Variants in LRRK1 observed in about 807,000 individuals in gnomAD.
The protein encoded by LRRK1 is leucine rich repeat kinase 1.
A neutral mutation model predicts 209.1 loss-of-function variants in LRRK1; 113 were observed. The ratio of observed to expected loss-of-function variants is 0.54; its 90% confidence interval spans 0.46 to 0.63. The LOEUF (loss-of-function observed/expected upper bound fraction) is 0.63. Ranked by LOEUF, LRRK1 falls within the 30% of genes least tolerant of loss-of-function variation. LRRK1 has a pLI of 0.00. For missense variants in LRRK1, 2,284 were observed against 2,632.2 expected (o/e 0.87, Z 2.89); for synonymous variants, 1,144 against 1,099.7 (o/e 1.04, Z -0.80).
intron 20 of LRRK1, among the ~76,000 whole-genome samples, chr15:101,038,817 G>A (rs998777290): frequency 3.3e-5 from 5 of 152,140 alleles, no homozygotes; most frequent in Admixed American, 3.3e-4. Flanking sequence ...CCAGCAGCAT[G>A]GCACCCTGCG....
At chr15:101,047,337 C>G (rs1201870976) in intron 21 of LRRK1, among the ~76,000 whole-genome samples, 1 of 152,204 alleles carries the variant, frequency 6.6e-6, no homozygotes, top group Non-Finnish European at 1.5e-5. Context: ...CAGAAGGGTG[C>G]ACTGATTGAA....
At chr15:100,961,897 C>T (rs2029996267) in intron 2 of LRRK1, among the ~76,000 whole-genome samples, 1 of 152,134 alleles carries the variant, frequency 6.6e-6, no homozygotes, top group Non-Finnish European at 1.5e-5. Flanking sequence ...CGGCAGGACT[C>T]AATAAATGGC....
In LRRK1 at chr15:101,026,067, C is replaced by T; in HGVS notation, c.2335C>T (p.Leu779=). 3 of 1,614,244 alleles carry T rather than the reference C, an allele frequency of 1.9e-6. No homozygotes were observed. Among genetic ancestry groups the T allele is most frequent in the Non-Finnish European group, 2.5e-6 (3 of 1,180,022 alleles). ...GATTGCAACGCTGCGTGCCTATGTG[C>T]TGGCACTCTGCCGCTCCCCCTCCGG... ...ERIATLRAYV[L]ALCRSPSGSR... The change falls in exon 17 of 34, where the codon CTG becomes TTG. Residue 779 remains leucine, a synonymous_variant. Transcript: ENST00000388948.
At chr15:101,010,328 C>T (rs956271592) in intron 7 of LRRK1, 122 bp from the exon 8 acceptor site, 2 of 1,021,662 alleles carry the variant, frequency 2.0e-6, no homozygotes, top group African/African-American at 3.2e-5. Flanking sequence ...TCAATGCACA[C>T]TCTTTAACCT....
In LRRK1 at chr15:100,983,695, A is replaced by G. The variant is rs1313458868; in HGVS notation, c.429A>G (p.Leu143=). Residue 143 remains leucine, a synonymous_variant, in exon 4 of 34, where the codon TTA becomes TTG. Coordinates refer to ENST00000388948, the MANE Select transcript of LRRK1 (RefSeq NM_024652.6). ...TAVVQELLES[L]PGPCSPQRLL... is the part of the protein sequence containing the mutation. ...TTGTGCAGGAATTGCTTGAGTCCTT[A>G]CCAGGTAAATCACAGGGCATGAGCT... The G allele has an allele frequency of 3.1e-6, 5 of 1,608,892 alleles. No individual in the cohort carries two copies. Among genetic ancestry groups the G allele is most frequent in the Non-Finnish European group, 4.2e-6 (5 of 1,176,882 alleles).
At chr15:100,989,145 C>A in intron 5 of LRRK1, 105 bp from the exon 6 acceptor site, 1 of 1,008,568 alleles carries the variant, frequency 9.9e-7, no homozygotes, top group Non-Finnish European at 1.5e-6. Context: ...GTCCAACATG[C>A]ACAAGTACCT....
At chr15:101,066,814 G>C (rs1397172749) in intron 33 of LRRK1, 73 bp downstream of exon 33, 2 of 1,201,136 alleles carry the variant, frequency 1.7e-6, no homozygotes, top group East Asian at 4.7e-5. Context: ...GCCAGGTCCT[G>C]CACAGTGGCT....
chr15:101,066,705 T>G lies in LRRK1; in HGVS notation c.5834T>G (p.Ile1945Ser). ...TCTGGCGCCCAGCGGGGCCGAGTCA[T>G]TGCCGTCTTAAAAGCCCGAGAGCTG... ...KDSGAQRGRV[I>S]AVLKARELTP... Residue 1945 changes from isoleucine to serine, a missense_variant, in exon 33 of 34, where the codon ATT (isoleucine) becomes AGT (serine). Physicochemically the swap from Ile to Ser is moderately radical, Grantham distance 142. This residue lies in a region of LRRK1 where 643 missense variants were observed against 695.9 expected (regional missense o/e 0.92). Coordinates refer to ENST00000388948, the MANE Select transcript of LRRK1 (RefSeq NM_024652.6). The G allele has an allele frequency of 6.2e-7, 1 of 1,614,212 alleles. No individual in the cohort carries two copies. The highest frequency in any genetic ancestry group is 8.5e-7 in the Non-Finnish European group (1 of 1,180,024).
At position 101,066,658 on chromosome 15, in the gene LRRK1, C is replaced by T. The variant is rs772136882; in HGVS notation, c.5787C>T (p.Ile1929=). The T allele has an allele frequency of 9.3e-6, 15 of 1,614,080 alleles. No homozygotes were observed. Among genetic ancestry groups the T allele is most frequent in the South Asian group, 8.8e-5 (8 of 91,080 alleles). ...TGCTTAGGCGCGGTGGAGATGTTATCGTCATTGGCCTGGAGAAGGATTCTG... is the reference window on the plus strand; with the variant it reads ...TGCTTAGGCGCGGTGGAGATGTTATTGTCATTGGCCTGGAGAAGGATTCTG... ...IWVPRRGGDV[I]VIGLEKDSGA... The change falls in exon 33 of 34, where the codon ATC becomes ATT. Residue 1929 remains isoleucine, a synonymous_variant. Transcript: ENST00000388948.
At chr15:101,033,030 T>C (rs1215338108) in intron 20 of LRRK1, among the ~76,000 whole-genome samples, 1 of 152,224 alleles carries the variant, frequency 6.6e-6, no homozygotes, top group East Asian at 1.9e-4. Flanking sequence ...TAAGTTTCCC[T>C]GGTCCAAAGT....
At chr15:101,026,237 C>A (rs1390407537) in intron 17 of LRRK1, 100 bp downstream of exon 17, 3 of 1,256,384 alleles carry the variant, frequency 2.4e-6, no homozygotes, top group Non-Finnish European at 3.4e-6. Flanking sequence ...CTGGGTGGGG[C>A]TAGGCCCCTT....
rs372146339 is a variant in LRRK1 at position 100,942,063 on chromosome 15, A to G, written c.97+17334A>G. 1.7e-4 allele frequency among the ~76,000 whole-genome samples: 26 copies of G among 152,310 alleles called. 2 individuals carry two copies. Among genetic ancestry groups the G allele is most frequent in the Admixed American group, 7.8e-4 (12 of 15,306 alleles). ...AATAAGGCTTGTTGATATTTGTAAT[A>G]ATTTCTAAGGATTTGGAGCAGGAGG... On this transcript the variant is annotated intron_variant, in intron 2 of 33. Transcript: ENST00000388948.
chr15:101,020,659 C>T (rs1036127035), intron 12 of LRRK1, among the ~76,000 whole-genome samples: 2 of 152,174 alleles, frequency 1.3e-5, no homozygotes, highest in Non-Finnish European at 2.9e-5. Context: ...CAGGCGTGAG[C>T]CACCAGCCTG....
intron 2 of LRRK1, among the ~76,000 whole-genome samples, chr15:100,932,122 A>G (rs903650675): frequency 1.3e-5 from 2 of 152,126 alleles, no homozygotes; most frequent in African/African-American, 4.8e-5. Context: ...AGTAGCTGGG[A>G]TTACAGGCAC....
chr15:100,942,047 T>G (rs1003895586), intron 2 of LRRK1, among the ~76,000 whole-genome samples: 29 of 152,288 alleles, frequency 1.9e-4, no homozygotes, highest in African/African-American at 7.0e-4. Context: ...TAATAAGGCT[T>G]GTTGATATTT....
At chr15:100,934,183 G>T (rs1228086219) in intron 2 of LRRK1, among the ~76,000 whole-genome samples, 1 of 152,178 alleles carries the variant, frequency 6.6e-6, no homozygotes, top group Non-Finnish European at 1.5e-5. Context: ...TTTGCAGTCA[G>T]CTGACTTTAT....
chr15:101,040,673 G>A (rs920616506), intron 20 of LRRK1, among the ~76,000 whole-genome samples: 3 of 152,024 alleles, frequency 2.0e-5, no homozygotes, highest in Non-Finnish European at 4.4e-5. Context: ...TCTAAGCACT[G>A]CTTTATATGA....
chr15:101,028,273 GT>G (rs1429477988), intron 19 of LRRK1, among the ~76,000 whole-genome samples: 2 of 152,234 alleles, frequency 1.3e-5, no homozygotes, highest in Non-Finnish European at 2.9e-5. Flanking sequence ...GTGTTGCTGC[GT>G]AAAGATGCCA....
Position 101,015,435 on chromosome 15 carries a change from T to C in LRRK1, c.1609+33T>C, listed in dbSNP as rs369002641. On this transcript the variant is annotated intron_variant, in intron 12 of 33. Transcript: ENST00000388948. ...TGGGTTGGGAGACGGTGTTCCCAGA[T>C]GAGACAGCCGGGGTAGCCTGGTTCC... 104 of 1,553,562 alleles carry C rather than the reference T, an allele frequency of 6.7e-5. 2 individuals are homozygous for C. The East Asian group carries it at 8.2e-4, about 12-fold the overall frequency.
Sources: allele counts gnomAD v4.1 joint callset (sites outside exome capture counted in the v4.1 genomes callset), GRCh38; gene constraint gnomAD v4.1.1; regional missense constraint gnomAD v4.1.1; transcripts MANE v1.5; gene names NCBI Gene and HGNC (gene_info 2026-07-23, HGNC 2026-07-21).